Variants in WNT9A observed in about 807,000 individuals in gnomAD.
WNT9A encodes Wnt family member 9A.
WNT9A carries 8 observed loss-of-function variants against 31.4 expected under a neutral mutation model. The ratio of observed to expected loss-of-function variants is 0.26; its 90% CI spans 0.15 to 0.46. WNT9A has a LOEUF of 0.46. Among genes scored for constraint, WNT9A ranks in the 20% least tolerant of loss-of-function variants. The probability of loss-of-function intolerance (pLI) is 0.99; values close to 1 mark genes in which losing one functional copy is unlikely to be tolerated. For missense variants in WNT9A, 457 were observed against 522.9 expected (o/e 0.87, Z 1.23); for synonymous variants, 236 against 220.1 (o/e 1.07, Z -0.64).
At chr1:227,937,400 C>A (rs1023194632) in intron 1 of WNT9A, among the ~76,000 whole-genome samples, 14 of 152,358 alleles carry the variant, frequency 9.2e-5, no homozygotes, top group African/African-American at 2.4e-4. Flanking sequence ...GATAAAGGTA[C>A]TACAGTAGGT....
At chr1:227,934,982 C>G (rs1666568169) in intron 1 of WNT9A, among the ~76,000 whole-genome samples, 1 of 151,890 alleles carries the variant, frequency 6.6e-6, no homozygotes, top group African/African-American at 2.4e-5. Flanking sequence ...CCACATAGAG[C>G]CTGAGTCACA....
At chr1:227,939,761 G>A (rs1033429559) in intron 1 of WNT9A, among the ~76,000 whole-genome samples, 10 of 152,082 alleles carry the variant, frequency 6.6e-5, no homozygotes, top group Non-Finnish European at 1.2e-4. Flanking sequence ...ACAACACCCC[G>A]CCAGCAAAAC....
At position 227,926,803 on chromosome 1, in the gene WNT9A, C is replaced by T. The variant is rs1425067054; in HGVS notation, c.96-1284G>A. On this transcript the variant is annotated intron_variant, in intron 1 of 3. Transcript: ENST00000272164. The surrounding 1 kb of genome is among the most constrained non-coding windows in gnomAD (Gnocchi z 5.0). ...AGGCTCCCCCCACACCCTCACATGG[C>T]CCTGCTAGACCCTGCCACCCACCCC... 3.3e-5 allele frequency among the ~76,000 whole-genome samples: 5 copies of T among 152,054 alleles called. No individual in the cohort carries two copies. Among genetic ancestry groups the T allele is most frequent in the African/African-American group, 1.2e-4 (5 of 41,416 alleles).
rs1452675589 is a variant in WNT9A at position 227,920,001 on chromosome 1, G to A, written c.*1517C>T. On this transcript the variant is annotated 3_prime_UTR_variant, in exon 4 of 4. Coordinates refer to ENST00000272164, the MANE Select transcript of WNT9A (RefSeq NM_003395.4). The stretch of plus-strand genomic sequence containing the variant: ...CCTCCACCGGCATCTGTCCCAATCT[G>A]TCCCCCAGTGACACAAAGCAAGCAG... 1 of 152,348 alleles carries A rather than the reference G, an allele frequency of 6.6e-6. No individual in the cohort carries two copies. Among genetic ancestry groups the A allele is most frequent in the Non-Finnish European group, 1.5e-5 (1 of 68,140 alleles). 9.4% of individuals were successfully genotyped at this position (152,348 alleles called of 1,614,324 possible).
chr1:227,924,515 T>C, intron 2 of WNT9A, 115 bp from the exon 3 acceptor site: 1 of 1,411,922 alleles, frequency 7.1e-7, no homozygotes, highest in East Asian at 2.5e-5. Flanking sequence ...CAGAGCATCT[T>C]TCCTGGTGCT....
At chr1:227,946,456 C>T (rs1030928078) in intron 1 of WNT9A, among the ~76,000 whole-genome samples, 11 of 152,226 alleles carry the variant, frequency 7.2e-5, no homozygotes, top group African/African-American at 2.2e-4. Context: ...GTGGCCCTCC[C>T]TCCTGCCCTC....
chr1:227,936,624 T>C (rs1292242623), intron 1 of WNT9A, among the ~76,000 whole-genome samples: 1 of 138,114 alleles, frequency 7.2e-6, no homozygotes, highest in Admixed American at 7.5e-5. Flanking sequence ...CATGAGCCAC[T>C]GCACCCAGTC....
Position 227,924,221 on chromosome 1 carries a change from A to G in WNT9A, c.532T>C (p.Phe178Leu), listed in dbSNP as rs757619572. Reference protein sequence around the residue: ...CGDNLKYSSKFVKEFLGRRSS... With the variant: ...CGDNLKYSSKLVKEFLGRRSS... ...CGTCTGCCCAGGAATTCCTTGACGAACTTGCTGCTGTACTTAAGGTTGTCT... is the reference window on the plus strand; with the variant it reads ...CGTCTGCCCAGGAATTCCTTGACGAGCTTGCTGCTGTACTTAAGGTTGTCT... The change falls in exon 3 of 4, where the codon TTC becomes CTC. Residue 178 changes from phenylalanine to leucine, a missense_variant. Coordinates refer to ENST00000272164, the MANE Select transcript of WNT9A (RefSeq NM_003395.4). The G allele has an allele frequency of 6.2e-7, 1 of 1,613,572 alleles. No homozygotes were observed.
At chr1:227,934,761 C>T (rs185641277) in intron 1 of WNT9A, among the ~76,000 whole-genome samples, 130 of 152,272 alleles carry the variant, frequency 8.5e-4, no homozygotes, top group South Asian at 3.5e-3. Context: ...CTTCAGGTCA[C>T]GACGCAGAGC....
In WNT9A at chr1:227,925,172, C is replaced by G. The variant is rs1039136536; in HGVS notation, c.352+91G>C. 4.9e-6 allele frequency: 7 copies of G among 1,421,078 alleles called. No individual in the cohort carries two copies. The highest frequency in any genetic ancestry group is 5.5e-6 in the Non-Finnish European group (6 of 1,089,344). 88.0% of individuals were successfully genotyped at this position (1,421,078 alleles called of 1,614,324 possible). A position where few individuals can be genotyped will look rare whatever the true frequency, so the allele number is the denominator to read the frequency against. ...AGGCTGGGCCCGGCGTCCCCAGGAG[C>G]GCAGCCTAAGAGGGGCCTCTTGGGA... On this transcript the variant is annotated intron_variant, in intron 2 of 3. Transcript: ENST00000272164. The surrounding 1 kb of genome is among the most constrained non-coding windows in gnomAD (Gnocchi z 6.0).
chr1:227,924,421 T>C, intron 2 of WNT9A, 21 bp from the exon 3 acceptor site: 1 of 1,600,540 alleles, frequency 6.2e-7, no homozygotes, highest in Non-Finnish European at 8.5e-7. Context: ...CAAGGGCCGA[T>C]CAGTGAGCCC....
chr1:227,922,835 C>T (rs761933891), intron 3 of WNT9A, among the ~76,000 whole-genome samples: 9 of 152,294 alleles, frequency 5.9e-5, no homozygotes, highest in East Asian at 1.9e-4. Context: ...TCTGCTCCCA[C>T]GCCAGCAGCC....
In WNT9A at chr1:227,920,503, A is replaced by G. The variant is rs1478174275; in HGVS notation, c.*1015T>C. 6.6e-6 allele frequency: 1 copy of G among 152,182 alleles called. No individual in the cohort carries two copies. The highest frequency in any genetic ancestry group is 1.5e-5 in the Non-Finnish European group (1 of 68,024). The allele number at this position is 152,182 out of a possible 1,614,324, so 9.4% of individuals were successfully genotyped here. ...AAAGTCACTGATATTTACTCCAAAG[A>G]GAAGTGCTCAACGTCAGAGGTCGGC... On this transcript the variant is annotated 3_prime_UTR_variant, in exon 4 of 4. Coordinates refer to ENST00000272164, the MANE Select transcript of WNT9A (RefSeq NM_003395.4).
chr1:227,924,793 C>G (rs749900187), intron 2 of WNT9A, among the ~76,000 whole-genome samples: 3 of 152,236 alleles, frequency 2.0e-5, no homozygotes, highest in Non-Finnish European at 4.4e-5. Context: ...CCCAGCTACT[C>G]CAGAAGCTGA....
In WNT9A at chr1:227,928,493, T is replaced by C. The variant is rs1396214340; in HGVS notation, c.96-2974A>G. 6.6e-6 allele frequency among the ~76,000 whole-genome samples: 1 copy of C among 152,176 alleles called. No homozygotes were observed. The highest frequency in any genetic ancestry group is 2.4e-5 in the African/African-American group (1 of 41,442). The stretch of plus-strand genomic sequence containing the variant: ...TGCTCTGGCCATGGCCTTCTTAAGC[T>C]CCTGCCCCCTCACCTCTCCCACCCT... On this transcript the variant is annotated intron_variant, in intron 1 of 3. Coordinates refer to ENST00000272164, the MANE Select transcript of WNT9A (RefSeq NM_003395.4). This position sits in a 1 kb window ranked among gnomAD's most constrained non-coding sequence, Gnocchi z 4.5.
chr1:227,946,656 A>G (rs1666797991), intron 1 of WNT9A, among the ~76,000 whole-genome samples: 1 of 152,260 alleles, frequency 6.6e-6, no homozygotes, highest in African/African-American at 2.4e-5. Flanking sequence ...AGAAAAACAC[A>G]AAGGGAAAGT....
At position 227,936,211 on chromosome 1, in the gene WNT9A, C is replaced by T. The variant is rs529517005; in HGVS notation, c.96-10692G>A. The stretch of plus-strand genomic sequence containing the variant: ...TTTTCTTTTTCTTTTTTTTTTCAGA[C>T]GGAGTCTCGCTCTGTTGCTCAGGCT... On this transcript the variant is annotated intron_variant, in intron 1 of 3. Transcript: ENST00000272164. Among the ~76,000 whole-genome samples the T allele has an allele frequency of 4.0e-5, 6 of 151,588 alleles. No homozygotes were observed. In the East Asian group the frequency reaches 5.8e-4, roughly 15 times the overall value.
chr1:227,939,506 C>T (rs1244552789), intron 1 of WNT9A, among the ~76,000 whole-genome samples: 1 of 152,148 alleles, frequency 6.6e-6, no homozygotes, highest in East Asian at 1.9e-4. Context: ...GCTAAACGGG[C>T]CTTGTCCCCA....
rs985188508 is a variant in WNT9A at position 227,918,730 on chromosome 1, A to T, written c.*2788T>A. 1 of 152,288 alleles carries T rather than the reference A, an allele frequency of 6.6e-6. No individual in the cohort carries two copies. Among genetic ancestry groups the T allele is most frequent in the Non-Finnish European group, 1.5e-5 (1 of 68,072 alleles). The allele number at this position is 152,288 out of a possible 1,614,324, so 9.4% of individuals were successfully genotyped here. On this transcript the variant is annotated 3_prime_UTR_variant, in exon 4 of 4. Coordinates refer to ENST00000272164, the MANE Select transcript of WNT9A (RefSeq NM_003395.4). The stretch of plus-strand genomic sequence containing the variant: ...TGACACAAAGCTGTTAAATAAATAC[A>T]TTCTCCACAGTCCCTCTGGGACGGG...
Sources: gnomAD v4.1 joint callset for allele counts (sites outside exome capture counted in the v4.1 genomes callset) on GRCh38, gnomAD v4.1.1 for gene constraint, Gnocchi (gnomAD v3.1) non-coding constraint, MANE v1.5 for transcripts, NCBI Gene and HGNC (gene_info 2026-07-23, HGNC 2026-07-21) for gene names.